SLIT2: variants seen among roughly 807,000 people sequenced by gnomAD.
The protein encoded by SLIT2 is slit homolog 2 protein.
In SLIT2, 41 loss-of-function variants were observed where a neutral mutation model predicts 185.7. That is an observed-to-expected ratio of 0.22 (90% confidence interval 0.17 to 0.29). The LOEUF (loss-of-function observed/expected upper bound fraction) is 0.29. Among genes scored for constraint, SLIT2 ranks in the 10% least tolerant of loss-of-function variants. The probability of loss-of-function intolerance (pLI) is 1.00; values close to 1 mark genes in which losing one functional copy is unlikely to be tolerated. For missense variants in SLIT2, 1,571 were observed against 1,909.0 expected, an observed-to-expected ratio of 0.82 and a Z score of 3.30; for synonymous variants, 693 against 680.2, an observed-to-expected ratio of 1.02 and a Z score of -0.29.
intron 5 of SLIT2, among the ~76,000 whole-genome samples, chr4:20,473,298 T>A (rs16869637): frequency 0.012 from 1,812 of 152,114 alleles, 35 homozygotes; most frequent in African/African-American, 0.041. Context: ...TGCTTCTTGG[T>A]TAAAAAATAT....
intron 4 of SLIT2, among the ~76,000 whole-genome samples, chr4:20,400,432 A>T (rs1363836667): frequency 6.6e-6 from 1 of 151,788 alleles, no homozygotes; most frequent in Non-Finnish European, 1.5e-5. Context: ...AAAAGAGATG[A>T]GTATACTATG....
chr4:20,346,780 T>C (rs1232360544), intron 4 of SLIT2, among the ~76,000 whole-genome samples: 1 of 152,168 alleles, frequency 6.6e-6, no homozygotes, highest in East Asian at 1.9e-4. Flanking sequence ...TACAAGAGTC[T>C]TAAAGCTGAA....
At chr4:20,509,682 AT>A (rs979225501) in intron 9 of SLIT2, among the ~76,000 whole-genome samples, 1 of 152,138 alleles carries the variant, frequency 6.6e-6, no homozygotes, top group Non-Finnish European at 1.5e-5. Flanking sequence ...GAGAAGCAAC[AT>A]TTTTTTGATA....
rs185345429 is a variant in SLIT2 at position 20,404,314 on chromosome 4, T to C, written c.396-63438T>C. On this transcript the variant is annotated intron_variant, in intron 4 of 36. Transcript: ENST00000504154. The stretch of plus-strand genomic sequence containing the variant: ...ACATATTTTCTAGAACACTGTTCAA[T>C]TTGTTGCTTAGCCTGAGAGTAGGGG... Among the ~76,000 whole-genome samples, 927 of 152,120 alleles carry C rather than the reference T, an allele frequency of 6.1e-3. 3 individuals are homozygous for C. The highest frequency in any genetic ancestry group is 0.01 in the Non-Finnish European group (691 of 67,948).
At chr4:20,429,167 A>G (rs141140215) in intron 4 of SLIT2, among the ~76,000 whole-genome samples, 20 of 152,128 alleles carry the variant, frequency 1.3e-4, no homozygotes, top group Non-Finnish European at 2.8e-4. Context: ...GGTGCTTTTC[A>G]AAATAGACGG....
In SLIT2 at chr4:20,548,700, T is replaced by C. The variant is rs1262354318; in HGVS notation, c.2417+141T>C. On this transcript the variant is annotated intron_variant, in intron 23 of 36. Transcript: ENST00000504154. ...TTGGGAGAAACAGACAAAACCACGA[T>C]ACGTGAACAATGTAGACATTAGGAA... 4 of 635,396 alleles carry C rather than the reference T, an allele frequency of 6.3e-6. No individual in the cohort carries two copies. The African/African-American group carries it at 7.3e-5, about 12-fold the overall frequency. The allele number at this position is 635,396 out of a possible 1,614,324, so 39.4% of individuals were successfully genotyped here. A position where few individuals can be genotyped will look rare whatever the true frequency, so the allele number is the denominator to read the frequency against.
At position 20,471,750 on chromosome 4, in the gene SLIT2, A is replaced by T. The variant is rs1054810925; in HGVS notation, c.467+3927A>T. On this transcript the variant is annotated intron_variant, in intron 5 of 36. Transcript: ENST00000504154. ...TCAAGGCGGTATCCCAACAATATGA[A>T]ATTGATGCTGTGGAAATTTTGCAGA... Among the ~76,000 whole-genome samples, 15 of 152,226 alleles carry T rather than the reference A, an allele frequency of 9.9e-5. No individual in the cohort carries two copies. In the East Asian group the frequency reaches 2.9e-3, roughly 29 times the overall value.
At chr4:20,381,828 T>C (rs1382278221) in intron 4 of SLIT2, among the ~76,000 whole-genome samples, 3 of 151,990 alleles carry the variant, frequency 2.0e-5, no homozygotes, top group Non-Finnish European at 4.4e-5. Context: ...TCAATGTATT[T>C]TATGATACAA....
rs76875870 is a variant in SLIT2 at position 20,606,846 on chromosome 4, G to C, written c.3693-3167G>C. Among the ~76,000 whole-genome samples, 10 of 152,208 alleles carry C rather than the reference G, an allele frequency of 6.6e-5. No homozygotes were observed. The East Asian group carries it at 1.9e-3, about 29-fold the overall frequency. Reference sequence around the variant, plus strand: ...CTATCATACAAGGTAATTTACTATAGAACTTTATTCCCAGGCTATTTGGGA... The same window carrying C: ...CTATCATACAAGGTAATTTACTATACAACTTTATTCCCAGGCTATTTGGGA... On this transcript the variant is annotated intron_variant, in intron 33 of 36. Coordinates refer to ENST00000504154, the MANE Select transcript of SLIT2 (RefSeq NM_004787.4).
At chr4:20,473,435 A>G (rs1009727033) in intron 5 of SLIT2, among the ~76,000 whole-genome samples, 3 of 152,054 alleles carry the variant, frequency 2.0e-5, no homozygotes, top group Admixed American at 6.6e-5. Context: ...GAAAATAAAT[A>G]TATATATTCC....
Position 20,510,929 on chromosome 4 carries a change from C to T in SLIT2, c.987-137C>T, listed in dbSNP as rs1719639196. 12 of 557,474 alleles carry T rather than the reference C, an allele frequency of 2.2e-5. No individual in the cohort carries two copies. In the South Asian group the frequency reaches 3.5e-4, roughly 16 times the overall value. The allele number at this position is 557,474 out of a possible 1,614,324, so 34.5% of individuals were successfully genotyped here. ...TTTCTTTTTTAAATTTCTGATCCTTCAGATGTTCAATGTTGCACGTTTTGG... is the reference window on the plus strand; with the variant it reads ...TTTCTTTTTTAAATTTCTGATCCTTTAGATGTTCAATGTTGCACGTTTTGG... On this transcript the variant is annotated intron_variant, in intron 10 of 36. Transcript: ENST00000504154.
intron 5 of SLIT2, among the ~76,000 whole-genome samples, chr4:20,475,917 C>T (rs1716058502): frequency 6.6e-6 from 1 of 152,074 alleles, no homozygotes; most frequent in Non-Finnish European, 1.5e-5. Flanking sequence ...AACTGAAATT[C>T]TTTATTCCTG....
chr4:20,579,265 C>G (rs1253741447), intron 29 of SLIT2, among the ~76,000 whole-genome samples: 1 of 150,122 alleles, frequency 6.7e-6, no homozygotes, highest in Non-Finnish European at 1.5e-5. Context: ...CACCACTGCA[C>G]TTTAGCCTGG....
Position 20,472,296 on chromosome 4 carries a change from A to ATC in SLIT2, c.467+4474_467+4475insCT, listed in dbSNP as rs1715226630. On this transcript the variant is annotated intron_variant, in intron 5 of 36. Coordinates refer to ENST00000504154, the MANE Select transcript of SLIT2 (RefSeq NM_004787.4). The stretch of plus-strand genomic sequence containing the variant: ...TATATCTATATATATAGATATATAG[A>ATC]TATATAGATCTATATATAGATATAT... Among the ~76,000 whole-genome samples, 8 of 19,670 alleles carry ATC rather than the reference A, an allele frequency of 4.1e-4. 1 individual carries two copies. Among genetic ancestry groups the ATC allele is most frequent in the East Asian group, 7.2e-3 (1 of 138 alleles). The allele number at this position is 19,670 out of a possible 152,430, so 12.9% of individuals were successfully genotyped here. A position where few individuals can be genotyped will look rare whatever the true frequency, so the allele number is the denominator to read the frequency against.
At chr4:20,458,068 C>G (rs1043604161) in intron 4 of SLIT2, among the ~76,000 whole-genome samples, 1 of 146,664 alleles carries the variant, frequency 6.8e-6, no homozygotes, top group Non-Finnish European at 1.5e-5. Flanking sequence ...TGTTCCAGAC[C>G]TGTCCCAGTA....
intron 4 of SLIT2, among the ~76,000 whole-genome samples, chr4:20,363,785 G>A (rs531093644): frequency 7.2e-5 from 11 of 152,088 alleles, no homozygotes; most frequent in African/African-American, 2.4e-4. Flanking sequence ...TGTAAAATTT[G>A]ATCTATAAAA....
Position 20,252,300 on chromosome 4 carries a change from G to A in SLIT2, c.-1516G>A, listed in dbSNP as rs1722103131. Among the ~76,000 whole-genome samples the A allele has an allele frequency of 6.6e-6, 1 of 152,168 alleles. No homozygotes were observed. Among genetic ancestry groups the A allele is most frequent in the Non-Finnish European group, 1.5e-5 (1 of 68,030 alleles). ...TGTTTAGACACTTGCCAGGGGCTCCGGAGTCGGCAGAGCCACCGAGTCCCC... is the reference window on the plus strand; with the variant it reads ...TGTTTAGACACTTGCCAGGGGCTCCAGAGTCGGCAGAGCCACCGAGTCCCC... On this transcript the variant is annotated 5_prime_UTR_variant, in exon 1 of 37. Coordinates refer to ENST00000504154, the MANE Select transcript of SLIT2 (RefSeq NM_004787.4).
rs115900067 is a variant in SLIT2 at position 20,318,592 on chromosome 4, A to G, written c.395+49711A>G. 4.7e-3 allele frequency among the ~76,000 whole-genome samples: 722 copies of G among 152,146 alleles called. 8 individuals carry two copies. Among genetic ancestry groups the G allele is most frequent in the African/African-American group, 0.016 (685 of 41,534 alleles). On this transcript the variant is annotated intron_variant, in intron 4 of 36. Transcript: ENST00000504154. ...TTTAACTTGACCTGTTGCTTTGCCT[A>G]GTTCATTGTAGTGCAAATGTCTCAA...
At chr4:20,312,033 A>G (rs1718153074) in intron 4 of SLIT2, among the ~76,000 whole-genome samples, 1 of 152,240 alleles carries the variant, frequency 6.6e-6, no homozygotes, top group Non-Finnish European at 1.5e-5. Context: ...CATGAGTAAG[A>G]TTAGCTAAAG....
Sources: allele counts gnomAD v4.1 joint callset (sites outside exome capture counted in the v4.1 genomes callset), GRCh38; gene constraint gnomAD v4.1.1; transcripts MANE v1.5; gene names NCBI Gene and HGNC (gene_info 2026-07-23, HGNC 2026-07-21).